HSD17B12: variants seen among roughly 807,000 people sequenced by gnomAD.
HSD17B12 encodes hydroxysteroid 17-beta dehydrogenase 12, also known as very-long-chain 3-oxoacyl-CoA reductase.
Under a neutral mutation model 39.3 loss-of-function variants are expected in HSD17B12, and 32 were observed. The observed-to-expected ratio is 0.81, with a 90% CI of 0.61 to 1.09. The LOEUF (loss-of-function observed/expected upper bound fraction) is 1.09. HSD17B12 is among the 50% of genes least tolerant of loss of function. The pLI is 0.00. For missense variants in HSD17B12, 342 were observed against 382.9 expected (o/e 0.89, Z 0.89); for synonymous variants, 150 against 146.7 (o/e 1.02, Z -0.16).
intron 9 of HSD17B12, chr11:43,852,437 C>T (rs1455485407): frequency 6.7e-6 from 1 of 150,258 alleles, no homozygotes; most frequent in Admixed American, 6.6e-5. Flanking sequence ...ATACCTTTAC[C>T]AGGCTTGTGA....
At chr11:43,563,210 C>G in the HSD17B12 span, among the ~76,000 whole-genome samples, 2 of 152,172 alleles carry the variant, frequency 1.3e-5, no homozygotes, top group Non-Finnish European at 2.9e-5. Flanking sequence ...AGGCCATACA[C>G]TAGATTCTCA....
At chr11:43,574,803 C>A in the HSD17B12 span, among the ~76,000 whole-genome samples, 1 of 152,176 alleles carries the variant, frequency 6.6e-6, no homozygotes, top group Non-Finnish European at 1.5e-5. Context: ...AAAGGGTAAA[C>A]GTCACCTCGC....
intron 1 of HSD17B12, among the ~76,000 whole-genome samples, chr11:43,696,005 C>T (rs1398200067): frequency 1.3e-5 from 2 of 152,136 alleles, no homozygotes; most frequent in Non-Finnish European, 2.9e-5. Flanking sequence ...CACCTTCCAC[C>T]CTCCGAAAGG....
At chr11:43,567,742 T>C in the HSD17B12 span, among the ~76,000 whole-genome samples, 1 of 152,224 alleles carries the variant, frequency 6.6e-6, no homozygotes, top group Non-Finnish European at 1.5e-5. Flanking sequence ...CTGCCTCTTT[T>C]ACAATTTCAT....
intron 1 of HSD17B12, among the ~76,000 whole-genome samples, chr11:43,713,394 T>C (rs959650061): frequency 6.6e-6 from 1 of 151,460 alleles, no homozygotes; most frequent in Non-Finnish European, 1.5e-5. Flanking sequence ...TTTTTTGTCT[T>C]TGCGATAGTT....
intron 1 of HSD17B12, among the ~76,000 whole-genome samples, chr11:43,723,739 A>G (rs539329052): frequency 1.4e-4 from 21 of 152,210 alleles, no homozygotes; most frequent in African/African-American, 5.1e-4. Flanking sequence ...GAGGATGTTT[A>G]TATTCCAGTG....
In HSD17B12 at chr11:43,855,684, A is replaced by G. The variant is rs1230477469; in HGVS notation, c.*436A>G. On this transcript the variant is annotated 3_prime_UTR_variant, in exon 11 of 11. Coordinates refer to ENST00000278353, the MANE Select transcript of HSD17B12 (RefSeq NM_016142.3). ...GTTTTTGACACTTGAAGAAATGGAG[A>G]TCGATTTGATTTGTTTATAAGCAGA... 1 of 152,316 alleles carries G rather than the reference A, an allele frequency of 6.6e-6. No individual in the cohort carries two copies. The highest frequency in any genetic ancestry group is 1.5e-5 in the Non-Finnish European group (1 of 68,114). 9.4% of individuals were successfully genotyped at this position (152,316 alleles called of 1,614,324 possible). A position where few individuals can be genotyped will look rare whatever the true frequency, so the allele number is the denominator to read the frequency against.
chr11:43,817,040 CTA>C (rs368591679), intron 6 of HSD17B12, among the ~76,000 whole-genome samples: 75 of 21,506 alleles, frequency 3.5e-3, no homozygotes, highest in Admixed American at 0.019. Context: ...ATATCTATAT[CTA>C]TATATATATA....
the HSD17B12 span, among the ~76,000 whole-genome samples, chr11:43,643,366 T>C: frequency 6.6e-6 from 1 of 152,140 alleles, no homozygotes; most frequent in Admixed American, 6.5e-5. Flanking sequence ...TTATTTTTAA[T>C]TAAAATGAGA....
intron 4 of HSD17B12, chr11:43,806,203 T>G (rs1951016635): frequency 6.6e-6 from 1 of 152,182 alleles, no homozygotes; most frequent in Non-Finnish European, 1.5e-5. Flanking sequence ...TCATTGGCCA[T>G]GTGGTTTAAC....
the HSD17B12 span, among the ~76,000 whole-genome samples, chr11:43,653,269 C>A: frequency 6.6e-6 from 1 of 152,058 alleles, no homozygotes; most frequent in African/African-American, 2.4e-5. Flanking sequence ...AGTCTTGTTC[C>A]ATGCCTCATA....
At chr11:43,759,921 G>C (rs1354580613) in intron 3 of HSD17B12, among the ~76,000 whole-genome samples, 1 of 151,170 alleles carries the variant, frequency 6.6e-6, no homozygotes, top group Non-Finnish European at 1.5e-5. Flanking sequence ...ATTGAGACAA[G>C]GTCTCACTCT....
intron 1 of HSD17B12, among the ~76,000 whole-genome samples, chr11:43,745,382 A>G (rs1950403834): frequency 6.6e-6 from 1 of 152,208 alleles, no homozygotes. Flanking sequence ...TATTTTCATT[A>G]AGAGATTTCT....
At chr11:43,722,566 G>T (rs748199866) in intron 1 of HSD17B12, among the ~76,000 whole-genome samples, 2 of 151,602 alleles carry the variant, frequency 1.3e-5, no homozygotes, top group Non-Finnish European at 2.9e-5. Context: ...TTAAGAATTG[G>T]CCAGGTGTGG....
At chr11:43,701,423 T>G (rs946595712) in intron 1 of HSD17B12, among the ~76,000 whole-genome samples, 19 of 152,184 alleles carry the variant, frequency 1.2e-4, no homozygotes, top group African/African-American at 4.6e-4. Context: ...CTAATGTCCT[T>G]GAGATTTTCT....
chr11:43,663,421 A>C, the HSD17B12 span, among the ~76,000 whole-genome samples: 6 of 151,894 alleles, frequency 4.0e-5, no homozygotes. Context: ...TTTTATAGAG[A>C]TAGTCTCACC....
At chr11:43,627,438 C>CT in the HSD17B12 span, among the ~76,000 whole-genome samples, 1 of 151,654 alleles carries the variant, frequency 6.6e-6, no homozygotes, top group African/African-American at 2.4e-5. Flanking sequence ...TATTTAAAAA[C>CT]TTTTTTAATG....
intron 1 of HSD17B12, among the ~76,000 whole-genome samples, chr11:43,738,109 T>C (rs970842031): frequency 6.7e-6 from 1 of 150,022 alleles, no homozygotes; most frequent in Non-Finnish European, 1.5e-5. Context: ...TAATTTAGCA[T>C]GTTTGGTAAA....
intron 1 of HSD17B12, among the ~76,000 whole-genome samples, chr11:43,697,834 C>T (rs1565052810): frequency 6.6e-6 from 1 of 152,188 alleles, no homozygotes. Flanking sequence ...GAAATGTAGG[C>T]AGGGGGCCAG....
Sources: allele counts gnomAD v4.1 joint callset (sites outside exome capture counted in the v4.1 genomes callset), GRCh38; gene constraint gnomAD v4.1.1; transcripts MANE v1.5; gene names NCBI Gene and HGNC (gene_info 2026-07-23, HGNC 2026-07-21).